Variants in STON2 observed in about 807,000 individuals in gnomAD.
The protein encoded by STON2 is stonin 2, also known as stonin-2.
STON2 carries 29 observed loss-of-function variants against 65.7 expected under a neutral mutation model. The ratio of observed to expected loss-of-function variants is 0.44; its 90% CI spans 0.33 to 0.60. The LOEUF (loss-of-function observed/expected upper bound fraction) is 0.60, where lower values mean the gene tolerates loss of function less well. STON2 is among the 20% of genes least tolerant of loss of function. The pLI is 0.03. For missense variants in STON2, 1,054 were observed against 1,118.1 expected (o/e 0.94, Z 0.82); for synonymous variants, 404 against 414.2 (o/e 0.98, Z 0.30).
chr14:81,318,657 C>G (rs1363988419), intron 5 of STON2, among the ~76,000 whole-genome samples: 3 of 152,134 alleles, frequency 2.0e-5, no homozygotes, highest in Admixed American at 1.3e-4. Flanking sequence ...TTGAGACCAG[C>G]CTGGTCAACA....
At chr14:81,410,303 A>AAAAAAAAAAAAAG (rs1901092549) in intron 2 of STON2, among the ~76,000 whole-genome samples, 1 of 150,604 alleles carries the variant, frequency 6.6e-6, no homozygotes, top group Non-Finnish European at 1.5e-5. Flanking sequence ...AAAAAAAAAA[A>AAAAAAAAAAAAAG]AAAACAGAAG....
chr14:81,282,761 C>T (rs536924284), intron 5 of STON2, among the ~76,000 whole-genome samples: 6 of 151,992 alleles, frequency 3.9e-5, no homozygotes, highest in Non-Finnish European at 8.8e-5. Flanking sequence ...ACTAATTAGC[C>T]TTAGAGAAAG....
chr14:81,348,594 A>G (rs995893325), intron 4 of STON2, among the ~76,000 whole-genome samples: 51 of 152,202 alleles, frequency 3.4e-4, no homozygotes, highest in African/African-American at 1.2e-3. Context: ...AAAGAAATTG[A>G]AGAGGACATC....
At chr14:81,292,414 G>C (rs1005643613) in intron 5 of STON2, among the ~76,000 whole-genome samples, 1 of 152,124 alleles carries the variant, frequency 6.6e-6, no homozygotes, top group Non-Finnish European at 1.5e-5. Context: ...ATCTCATCTT[G>C]ACTTATGGTT....
chr14:81,406,397 C>T (rs1900862610), intron 2 of STON2, among the ~76,000 whole-genome samples: 1 of 152,196 alleles, frequency 6.6e-6, no homozygotes, highest in African/African-American at 2.4e-5. Flanking sequence ...GTCTGACCCT[C>T]TGCCTTTTTT....
intron 2 of STON2, among the ~76,000 whole-genome samples, chr14:81,415,669 A>G (rs1461663793): frequency 1.9e-4 from 4 of 21,266 alleles, no homozygotes; most frequent in African/African-American, 1.3e-3. Context: ...ACTCCATCGC[A>G]AAAAAAAAAA....
Position 81,278,583 on chromosome 14 carries a change from G to A in STON2, c.899C>T (p.Pro300Leu), listed in dbSNP as rs747844850. 6.2e-7 allele frequency: 1 copy of A among 1,606,088 alleles called. No individual in the cohort carries two copies. The highest frequency in any genetic ancestry group is 2.2e-5 in the East Asian group (1 of 44,784). Residue 300 changes from proline (P) to leucine (L), a missense_variant, in exon 6 of 8, where the codon CCT (proline) becomes CTT (leucine). Coordinates refer to ENST00000614646, the MANE Select transcript of STON2 (RefSeq NM_001394390.1). The stretch of plus-strand genomic sequence containing the variant: ...CAGAGGAGAGGTGACTGGTGGTAAA[G>A]GGCAGCTGACTTCATTGTCATCAAA... ...VTFDDNEVSC[P>L]LPPVTSPLKP...
chr14:81,356,141 G>A (rs1898219886), intron 4 of STON2, among the ~76,000 whole-genome samples: 2 of 152,098 alleles, frequency 1.3e-5, no homozygotes, highest in Admixed American at 6.6e-5. Flanking sequence ...ATTGCCTGTG[G>A]GTTTGTCATA....
At chr14:81,356,931 C>G (rs1424665408) in intron 4 of STON2, among the ~76,000 whole-genome samples, 5 of 152,050 alleles carry the variant, frequency 3.3e-5, no homozygotes, top group African/African-American at 9.7e-5. Flanking sequence ...AGCTGTCTAT[C>G]AATTTTGTTG....
chr14:81,306,798 C>A (rs1896201368), intron 5 of STON2: 2 of 152,106 alleles, frequency 1.3e-5, no homozygotes, highest in Admixed American at 6.5e-5. Flanking sequence ...GAGCATCCTC[C>A]AATAAAGCAG....
chr14:81,382,078 G>T (rs923822530), intron 3 of STON2, among the ~76,000 whole-genome samples: 4 of 152,040 alleles, frequency 2.6e-5, no homozygotes, highest in African/African-American at 9.7e-5. Context: ...AATTAGCCAG[G>T]TGTGGTGGCA....
upstream of STON2, among the ~76,000 whole-genome samples, chr14:81,404,828 C>G (rs144709693): frequency 0.013 from 1,918 of 152,320 alleles, 39 homozygotes; most frequent in African/African-American, 0.038. Context: ...TCCTATTGGA[C>G]AGCAATGCTC....
chr14:81,358,576 T>C (rs12101091), intron 4 of STON2, among the ~76,000 whole-genome samples: 2 of 151,894 alleles, frequency 1.3e-5, no homozygotes, highest in African/African-American at 4.8e-5. Context: ...GTAAATTGAT[T>C]AAATTACTCA....
intron 2 of STON2, among the ~76,000 whole-genome samples, chr14:81,418,741 C>T (rs538901124): frequency 1.3e-5 from 2 of 152,186 alleles, no homozygotes; most frequent in Non-Finnish European, 2.9e-5. Context: ...TGTAAAACCT[C>T]TCTGCTTTTG....
At chr14:81,326,631 G>A (rs1028759285) in intron 4 of STON2, among the ~76,000 whole-genome samples, 6 of 152,118 alleles carry the variant, frequency 3.9e-5, no homozygotes, top group East Asian at 1.9e-4. Flanking sequence ...GGCATTACTC[G>A]TTTAACTAGA....
intron 4 of STON2, among the ~76,000 whole-genome samples, chr14:81,362,835 C>A (rs1353968999): frequency 6.6e-6 from 1 of 152,048 alleles, no homozygotes; most frequent in Non-Finnish European, 1.5e-5. Context: ...TGTATAATTT[C>A]AATGTGCCAG....
intron 5 of STON2, among the ~76,000 whole-genome samples, chr14:81,322,011 G>GT (rs1054976405): frequency 1.3e-5 from 2 of 152,152 alleles, no homozygotes; most frequent in African/African-American, 4.8e-5. Context: ...AGTGGTTGTG[G>GT]TTTTCCTGTT....
At chr14:81,313,110 C>A (rs1035617475) in intron 5 of STON2, among the ~76,000 whole-genome samples, 1 of 152,206 alleles carries the variant, frequency 6.6e-6, no homozygotes, top group African/African-American at 2.4e-5. Context: ...TAATCTCCTT[C>A]CAGGGCCTGG....
intron 4 of STON2, among the ~76,000 whole-genome samples, chr14:81,328,262 T>C (rs897157614): frequency 4.6e-5 from 7 of 152,166 alleles, no homozygotes; most frequent in Admixed American, 6.5e-5. Context: ...CCTGGGAATA[T>C]AGAAGTCTAT....
Sources: allele counts gnomAD v4.1 joint callset (sites outside exome capture counted in the v4.1 genomes callset), GRCh38; gene constraint gnomAD v4.1.1; transcripts MANE v1.5; gene names NCBI Gene and HGNC (gene_info 2026-07-23, HGNC 2026-07-21).